Variants in VWCE observed in about 807,000 individuals in gnomAD.
VWCE encodes von Willebrand factor C and EGF domain-containing protein.
A neutral mutation model predicts 102.9 loss-of-function variants in VWCE; 68 were observed. That is an observed-to-expected ratio of 0.66 (90% CI 0.54 to 0.81). VWCE has a LOEUF of 0.81. Among genes scored for constraint, VWCE ranks in the 30% least tolerant of loss-of-function variants. The pLI is 0.00. For synonymous variants in VWCE, 497 were observed against 515.4 expected, an observed-to-expected ratio of 0.96 and a Z score of 0.48; for missense variants, 1,137 against 1,263.6, an observed-to-expected ratio of 0.90 and a Z score of 1.52.
intron 5 of VWCE, among the ~76,000 whole-genome samples, chr11:61,284,099 C>T (rs1284012892): frequency 6.6e-6 from 1 of 152,012 alleles, no homozygotes; most frequent in Non-Finnish European, 1.5e-5. Flanking sequence ...TGCAGTGGCT[C>T]ATGCCTGGAA....
Position 61,294,989 on chromosome 11 carries a change from G to C in VWCE, c.49C>G (p.Pro17Ala). 6.8e-7 allele frequency: 1 copy of C among 1,473,798 alleles called. No homozygotes were observed. The highest frequency in any genetic ancestry group is 9.0e-7 in the Non-Finnish European group (1 of 1,113,954). 91.3% of individuals were successfully genotyped at this position (1,473,798 alleles called of 1,614,324 possible). A position where few individuals can be genotyped will look rare whatever the true frequency, so the allele number is the denominator to read the frequency against. Residue 17 changes from proline to alanine, a missense_variant, in exon 1 of 20, where the codon CCG becomes GCG. Around this residue, in one of 5 missense-constraint regions of VWCE, gnomAD observed 575 missense variants for 625.9 expected, o/e 0.92. Transcript: ENST00000335613. The surrounding 1 kb of genome is among the most constrained non-coding windows in gnomAD (Gnocchi z 6.3). ...LRAACVALLL[P>A]GAPARGYTGR... is the part of the protein sequence containing the mutation. ...GTGTAGCCTCGGGCTGGTGCCCCCG[G>C]CAGCAGGAGCGCGACACAGGCGGCC...
Position 61,265,593 on chromosome 11 carries a change from G to C in VWCE, c.1966-381C>G, listed in dbSNP as rs187915654. On this transcript the variant is annotated intron_variant, in intron 16 of 19. Transcript: ENST00000335613. The stretch of plus-strand genomic sequence containing the variant: ...TGGGTCACTCAGGGTAAGTAGCTCA[G>C]GGCTGTTTACCGTGAGTTTCTCAAT... Among the ~76,000 whole-genome samples, 619 of 152,278 alleles carry C rather than the reference G, an allele frequency of 4.1e-3. 7 individuals carry two copies. Among genetic ancestry groups the C allele is most frequent in the African/African-American group, 0.014 (590 of 41,558 alleles).
At position 61,263,870 on chromosome 11, in the gene VWCE, T is replaced by A. The variant is rs559800448; in HGVS notation, c.2230+617A>T. On this transcript the variant is annotated intron_variant, in intron 19 of 19. Coordinates refer to ENST00000335613, the MANE Select transcript of VWCE (RefSeq NM_152718.2). Reference sequence around the variant, plus strand: ...TTCTGCAAAACGGACTCAGTTCCCATGTTGTAATTTAAAATAAAGAAGAAA... The same window carrying A: ...TTCTGCAAAACGGACTCAGTTCCCAAGTTGTAATTTAAAATAAAGAAGAAA... Among the ~76,000 whole-genome samples, 7 of 152,198 alleles carry A rather than the reference T, an allele frequency of 4.6e-5. No individual in the cohort carries two copies. The South Asian group carries it at 1.5e-3, about 32-fold the overall frequency.
At chr11:61,273,639 G>A in intron 12 of VWCE, 1 of 304,970 alleles carries the variant, frequency 3.3e-6, no homozygotes, top group Non-Finnish European at 6.1e-6. Context: ...TTCACTGAGT[G>A]CAAAGCCCTC....
At chr11:61,262,534 C>T (rs1854390458) in intron 19 of VWCE, among the ~76,000 whole-genome samples, 2 of 152,160 alleles carry the variant, frequency 1.3e-5, no homozygotes, top group Non-Finnish European at 2.9e-5. Flanking sequence ...AGTCTCTAGA[C>T]AGTCAGGGGA....
chr11:61,272,236 C>A (rs1488136163), intron 13 of VWCE, among the ~76,000 whole-genome samples: 1 of 151,970 alleles, frequency 6.6e-6, no homozygotes, highest in Non-Finnish European at 1.5e-5. Flanking sequence ...TACATACACA[C>A]ACAGATACAA....
intron 14 of VWCE, 129 bp downstream of exon 14, chr11:61,271,546 C>A: frequency 1.2e-6 from 1 of 816,170 alleles, no homozygotes; most frequent in South Asian, 1.6e-5. Context: ...GAAAGTGGAA[C>A]TTGACAGCAC....
chr11:61,269,300 C>A, intron 14 of VWCE: 4 of 444,522 alleles, frequency 9.0e-6, no homozygotes, highest in Non-Finnish European at 1.7e-5. Context: ...GCACCGTCAC[C>A]ACCATCCAAA....
chr11:61,290,822 G>A lies in VWCE; in HGVS notation c.401C>T (p.Thr134Ile). ...VCPVGFSMTE[T>I]AVGIRCTDID... ...ACCTGTACACCTGATGCCAACAGCT[G>A]TCTCCGTCATCGAGAAGCCCACGGG... Residue 134 changes from threonine to isoleucine, a missense_variant, in exon 4 of 20, where the codon ACA (threonine) becomes ATA (isoleucine). This residue lies in a region of VWCE where 575 missense variants were observed against 625.9 expected (regional missense o/e 0.92). Transcript: ENST00000335613. 1 of 1,612,384 alleles carries A rather than the reference G, an allele frequency of 6.2e-7. No homozygotes were observed. The highest frequency in any genetic ancestry group is 1.1e-5 in the South Asian group (1 of 91,024).
rs1225550831 is a variant in VWCE, at chr11:61,294,209, C to T, written c.110+719G>A. On this transcript the variant is annotated intron_variant, in intron 1 of 19. Coordinates refer to ENST00000335613, the MANE Select transcript of VWCE (RefSeq NM_152718.2). The surrounding 1 kb of genome is among the most constrained non-coding windows in gnomAD (Gnocchi z 6.3). ...GGGGCAGGTTCTGAGCAGGAACTGG[C>T]GGTGGCTGTGGAACACACGTGTGAG... 2.6e-5 allele frequency among the ~76,000 whole-genome samples: 4 copies of T among 152,260 alleles called. No individual in the cohort carries two copies. The South Asian group carries it at 6.2e-4, about 24-fold the overall frequency.
intron 9 of VWCE, 106 bp from the exon 10 acceptor site, chr11:61,278,582 C>T: frequency 9.6e-7 from 1 of 1,037,026 alleles, no homozygotes; most frequent in Middle Eastern, 2.1e-4. Context: ...CATTCTCTCA[C>T]TGCCCTAGGT....
intron 9 of VWCE, among the ~76,000 whole-genome samples, chr11:61,280,134 G>A (rs769519932): frequency 6.6e-6 from 1 of 152,030 alleles, no homozygotes; most frequent in Non-Finnish European, 1.5e-5. Flanking sequence ...TTCCAGCAAT[G>A]GGAAGCAAAT....
At chr11:61,287,996 A>G (rs1320529827) in intron 4 of VWCE, among the ~76,000 whole-genome samples, 5 of 151,808 alleles carry the variant, frequency 3.3e-5, no homozygotes, top group Non-Finnish European at 7.4e-5. Context: ...TCTACTAAAA[A>G]AAAATACAAA....
Position 61,276,620 on chromosome 11 carries a change from G to A in VWCE, c.1468C>T (p.Gln490Ter). 1.2e-6 allele frequency: 2 copies of A among 1,605,530 alleles called. No individual in the cohort carries two copies. Among genetic ancestry groups the A allele is most frequent in the Non-Finnish European group, 1.7e-6 (2 of 1,175,968 alleles). Residue 490 changes from glutamine to a stop codon, truncating the protein, a stop_gained, in exon 11 of 20, where the codon CAG becomes TAG. Transcript: ENST00000335613. LOFTEE classifies it high-confidence loss of function. Reference sequence around the variant, plus strand: ...GGAACACAAGTACAGCAATCCGTCTGTGGGGGGGTCTGACAGGGGCCAGAA... The same window carrying A: ...GGAACACAAGTACAGCAATCCGTCTATGGGGGGGTCTGACAGGGGCCAGAA... ...CPSGPCQTPP[Q>*]TDCCTCVPVR... is the part of the protein sequence containing the mutation.
At chr11:61,289,947 A>G (rs1186015186) in intron 4 of VWCE, among the ~76,000 whole-genome samples, 2 of 152,258 alleles carry the variant, frequency 1.3e-5, no homozygotes, top group African/African-American at 4.8e-5. Context: ...AACTGGTCAC[A>G]GTGACTGTTT....
chr11:61,258,580 A>T lies in VWCE; in HGVS notation c.*95T>A, dbSNP rs534961021. On this transcript the variant is annotated 3_prime_UTR_variant, in exon 20 of 20. Coordinates refer to ENST00000335613, the MANE Select transcript of VWCE (RefSeq NM_152718.2). ...GGCCCCTGCAGGAGGGAGCCCAGGCATCCCCACCAGGTTCATCCTTGGAGC... is the reference window on the plus strand; with the variant it reads ...GGCCCCTGCAGGAGGGAGCCCAGGCTTCCCCACCAGGTTCATCCTTGGAGC... The T allele has an allele frequency of 4.0e-6, 5 of 1,240,548 alleles. No homozygotes were observed. In the East Asian group the frequency reaches 8.6e-5, roughly 21 times the overall value. 76.8% of individuals were successfully genotyped at this position (1,240,548 alleles called of 1,614,324 possible). A position where few individuals can be genotyped will look rare whatever the true frequency, so the allele number is the denominator to read the frequency against.
intron 14 of VWCE, chr11:61,271,413 G>A (rs1854693351): frequency 8.5e-6 from 3 of 351,622 alleles, no homozygotes; most frequent in Non-Finnish European, 1.7e-5. Context: ...CCAAAGTGCT[G>A]GGATTACAGG....
At chr11:61,275,092 T>G (rs1854862390) in intron 11 of VWCE, among the ~76,000 whole-genome samples, 1 of 152,058 alleles carries the variant, frequency 6.6e-6, no homozygotes, top group South Asian at 2.1e-4. Context: ...ATGAGTCACA[T>G]GTAAGATGAG....
chr11:61,272,603 C>T (rs946856903), intron 13 of VWCE, among the ~76,000 whole-genome samples: 9 of 152,032 alleles, frequency 5.9e-5, no homozygotes, highest in Non-Finnish European at 1.3e-4. Context: ...CACACAGGCA[C>T]ATACTAAGAC....
Sources: allele counts gnomAD v4.1 joint callset (sites outside exome capture counted in the v4.1 genomes callset), GRCh38; gene constraint gnomAD v4.1.1; regional missense constraint gnomAD v4.1.1; non-coding constraint Gnocchi (gnomAD v3.1); transcripts MANE v1.5; gene names NCBI Gene and HGNC (gene_info 2026-07-23, HGNC 2026-07-21).